TTLL8: variants seen among roughly 807,000 people sequenced by gnomAD.
The protein encoded by TTLL8 is protein monoglycylase TTLL8.
TTLL8 carries 65 observed loss-of-function variants against 77.8 expected under a neutral mutation model. That is an observed-to-expected ratio of 0.84 (90% confidence interval 0.68 to 1.03). TTLL8 has a LOEUF of 1.03. Ranked by LOEUF, TTLL8 falls within the 50% of genes least tolerant of loss-of-function variation. TTLL8 has a pLI of 0.00. For missense variants in TTLL8, 910 were observed against 1,004.5 expected, an observed-to-expected ratio of 0.91 and a Z score of 1.27; for synonymous variants, 402 against 422.8, an observed-to-expected ratio of 0.95 and a Z score of 0.60.
chr22:50,029,451 C>T (rs2061267862), intron 12 of TTLL8, among the ~76,000 whole-genome samples: 1 of 152,102 alleles, frequency 6.6e-6, no homozygotes, highest in African/African-American at 2.4e-5. Context: ...TCCTAAAGAC[C>T]CCCCCTATTG....
chr22:50,048,446 A>G (rs2061425827), intron 3 of TTLL8, among the ~76,000 whole-genome samples: 1 of 152,088 alleles, frequency 6.6e-6, no homozygotes, highest in Admixed American at 6.5e-5. Flanking sequence ...GGACGCAGAG[A>G]GAAGCCAGCC....
chr22:50,045,097 A>C (rs1601931767), intron 6 of TTLL8, 158 bp downstream of exon 8: 1 of 684,372 alleles, frequency 1.5e-6, no homozygotes, highest in South Asian at 6.4e-5. Context: ...AGAACAGAAA[A>C]CCCGTCTGCC....
At chr22:50,030,746 G>T (rs774712555) in exon 12 of TTLL8, 19 of 1,329,200 alleles carry the variant, frequency 1.4e-5, no homozygotes, top group Middle Eastern at 2.1e-4. Context: ...CTGGTGATGG[G>T]GGTCCCTGGG....
chr22:50,030,383 GC>G, intron 12 of TTLL8, 46 bp downstream of exon 13: 1 of 1,261,242 alleles, frequency 7.9e-7, no homozygotes. Flanking sequence ...TGGGGATGCA[GC>G]AGGCGGCCCC....
In TTLL8 at chr22:50,033,947, T is replaced by C. The variant is rs946671449; in HGVS notation, c.1039+398A>G. 8.5e-5 allele frequency among the ~76,000 whole-genome samples: 13 copies of C among 152,190 alleles called. No homozygotes were observed. The East Asian group carries it at 1.2e-3, about 14-fold the overall frequency. ...ACTTGGGAGGCTAAGGCAGGAGAAT[T>C]GCTTAAACCTGGAAGGTGGAGGTTG... On this transcript the variant is annotated intron_variant, in intron 9 of 13. Transcript: ENST00000266182.
At chr22:50,022,614 G>A (rs909313151) in intron 12 of TTLL8, among the ~76,000 whole-genome samples, 4 of 151,304 alleles carry the variant, frequency 2.6e-5, no homozygotes. Flanking sequence ...TCCATCTGAT[G>A]CGCATTCCTC....
intron 11 of TTLL8, 115 bp from the exon 13 acceptor site, chr22:50,031,040 G>T (rs1366051583): frequency 1.0e-6 from 1 of 991,660 alleles, no homozygotes; most frequent in Non-Finnish European, 1.3e-6. Context: ...CCTGACTCAG[G>T]AGTGAACAGT....
intron 12 of TTLL8, among the ~76,000 whole-genome samples, chr22:50,024,704 G>T (rs1162601768): frequency 6.6e-6 from 1 of 152,184 alleles, no homozygotes; most frequent in Non-Finnish European, 1.5e-5. Context: ...ACAAAGACAA[G>T]GTTGGGAGTT....
In TTLL8 at chr22:50,050,097, C is replaced by A; in HGVS notation, c.190+12G>T. ...ACGCCCTGAGCTGAGACGTGCGCCT[C>A]CGATACGCTACCATTGACCCGGGCG... On this transcript the variant is annotated intron_variant, in intron 2 of 13. Transcript: ENST00000266182. 4.4e-6 allele frequency: 6 copies of A among 1,365,948 alleles called. No individual in the cohort carries two copies. The highest frequency in any genetic ancestry group is 5.9e-6 in the Non-Finnish European group (6 of 1,021,528). The allele number at this position is 1,365,948 out of a possible 1,614,324, so 84.6% of individuals were successfully genotyped here.
At chr22:50,057,153 GGTCAGGTCTGGGGATGGGA>G (rs144819376), upstream of TTLL8, among the ~76,000 whole-genome samples, 1 of 97,810 alleles carries the variant, frequency 1.0e-5, no homozygotes, top group Non-Finnish European at 1.9e-5. Context: ...TCTGAGTTGG[GGTCAGGTCTGGGGATGGGA>G]GTCAGGTCTG....
At chr22:50,048,296 T>C (rs571150499) in intron 3 of TTLL8, among the ~76,000 whole-genome samples, 4 of 152,214 alleles carry the variant, frequency 2.6e-5, no homozygotes, top group African/African-American at 9.6e-5. Flanking sequence ...TTTCTGTCTC[T>C]CTGGAATGCA....
exon 5 of TTLL8, chr22:50,045,885 C>A (rs778071904): frequency 3.7e-6 from 5 of 1,358,820 alleles, no homozygotes; most frequent in Non-Finnish European, 4.9e-6. Flanking sequence ...ACTCTCGGTG[C>A]AGAGGCTGTA....
chr22:50,041,684 G>C lies in TTLL8; in HGVS notation c.767C>G (p.Ala256Gly). The change falls in exon 7 of 14, where the codon GCC becomes GGC. Residue 256 changes from alanine to glycine, a missense_variant. Transcript: ENST00000266182. The surrounding 1 kb of genome is among the most constrained non-coding windows in gnomAD (Gnocchi z 4.3). ...CTCGGCCTCAGTGAGGTCCTCCACG[G>C]CATCTGCTGACGTGTCGATGTCCTC... The C allele has an allele frequency of 7.3e-7, 1 of 1,366,924 alleles. No individual in the cohort carries two copies. Among genetic ancestry groups the C allele is most frequent in the Middle Eastern group, 2.1e-4 (1 of 4,766 alleles). 84.7% of individuals were successfully genotyped at this position (1,366,924 alleles called of 1,614,324 possible).
chr22:50,045,439 A>G, intron 5 of TTLL8, 50 bp from the exon 8 acceptor site: 1 of 1,350,092 alleles, frequency 7.4e-7, no homozygotes, highest in Non-Finnish European at 9.9e-7. Context: ...AGGACTGGGG[A>G]CTGGAGATGG....
chr22:50,029,822 A>G, intron 12 of TTLL8, among the ~76,000 whole-genome samples: 1 of 151,504 alleles, frequency 6.6e-6, no homozygotes, highest in South Asian at 2.1e-4. Flanking sequence ...CGTCCTGAAG[A>G]CCCCCACGCG....
intron 12 of TTLL8, among the ~76,000 whole-genome samples, chr22:50,029,431 C>A (rs2061267335): frequency 6.6e-6 from 1 of 151,868 alleles, no homozygotes; most frequent in African/African-American, 2.4e-5. Flanking sequence ...GTAAAGACCC[C>A]ATCACACCGT....
chr22:50,045,102 T>A, intron 6 of TTLL8, 153 bp downstream of exon 8: 3 of 713,554 alleles, frequency 4.2e-6, no homozygotes, highest in Non-Finnish European at 5.2e-6. Context: ...AGAAAACCCG[T>A]CTGCCATGAG....
Position 50,031,651 on chromosome 22 carries a change from G to A in TTLL8, c.1707+35C>T, listed in dbSNP as rs368474281. The A allele has an allele frequency of 9.6e-5, 118 of 1,228,634 alleles. 2 individuals are homozygous for A. Among genetic ancestry groups the A allele is most frequent in the South Asian group, 2.9e-4 (20 of 69,400 alleles). 76.1% of individuals were successfully genotyped at this position (1,228,634 alleles called of 1,614,324 possible). On this transcript the variant is annotated intron_variant, in intron 11 of 13. Transcript: ENST00000266182. ...GTGGCAAAGCATCCACATGGCGGGC[G>A]GCCACCAAAGTCCCCAGGGGCGGGC...
At chr22:50,031,780 G>T in exon 11 of TTLL8, 1 of 1,366,428 alleles carries the variant, frequency 7.3e-7, no homozygotes, top group Non-Finnish European at 9.8e-7. Context: ...CAGCTGGGCC[G>T]TGACCGGCGT....
Sources: gnomAD v4.1 joint callset for allele counts (sites outside exome capture counted in the v4.1 genomes callset) on GRCh38, gnomAD v4.1.1 for gene constraint, Gnocchi (gnomAD v3.1) non-coding constraint, MANE v1.5 for transcripts, NCBI Gene and HGNC (gene_info 2026-07-23, HGNC 2026-07-21) for gene names.